Variants in SUSD1 observed in about 807,000 individuals in gnomAD.
The protein encoded by SUSD1 is sushi domain containing 1, also known as sushi domain-containing protein 1.
SUSD1 carries 65 observed loss-of-function variants against 86.9 expected under a neutral mutation model. The observed-to-expected ratio is 0.75, with a 90% CI of 0.61 to 0.92. The LOEUF (loss-of-function observed/expected upper bound fraction) is 0.92. Ranked by LOEUF, SUSD1 falls within the 40% of genes least tolerant of loss-of-function variation. SUSD1 has a pLI of 0.00. For synonymous variants in SUSD1, 346 were observed against 350.0 expected, an observed-to-expected ratio of 0.99 and a Z score of 0.13; for missense variants, 850 against 929.7, an observed-to-expected ratio of 0.91 and a Z score of 1.11.
chr9:112,144,268 T>C (rs1832712105), intron 3 of SUSD1, among the ~76,000 whole-genome samples: 1 of 150,874 alleles, frequency 6.6e-6, no homozygotes, highest in Admixed American at 6.6e-5. Context: ...ATCCAATCAC[T>C]AAAAAATCCA....
chr9:112,087,356 A>G (rs1037862952), intron 10 of SUSD1, among the ~76,000 whole-genome samples: 3 of 152,004 alleles, frequency 2.0e-5, no homozygotes, highest in African/African-American at 7.3e-5. Flanking sequence ...TAATTTTTGT[A>G]TCTTTAGTAG....
rs775294819 is a variant in SUSD1 at position 112,080,105 on chromosome 9, A to G, written c.1535T>C (p.Ile512Thr). 3 of 1,613,520 alleles carry G rather than the reference A, an allele frequency of 1.9e-6. No individual in the cohort carries two copies. The South Asian group carries it at 3.3e-5, about 18-fold the overall frequency. Residue 512 changes from isoleucine (I) to threonine (T), a missense_variant, in exon 11 of 17, where the codon ATC becomes ACC. Coordinates refer to ENST00000374270, the MANE Select transcript of SUSD1 (RefSeq NM_022486.5). ...CATCTCCTCCATATCAGCTGTCTTG[A>G]TGCTTCTCCATCTCAAGCAGGTTTC... ...FNETCLRWRS[I>T]KTADMEEMYL...
At chr9:112,138,675 C>T (rs1235307125) in intron 5 of SUSD1, among the ~76,000 whole-genome samples, 1 of 152,126 alleles carries the variant, frequency 6.6e-6, no homozygotes, top group Non-Finnish European at 1.5e-5. Context: ...GTCTCGAACT[C>T]CTGACCTCGT....
At chr9:112,062,377 G>A (rs1380513475) in intron 13 of SUSD1, among the ~76,000 whole-genome samples, 1 of 152,192 alleles carries the variant, frequency 6.6e-6, no homozygotes, top group Admixed American at 6.5e-5. Context: ...CTGCCCAAAT[G>A]CTTGTATATA....
At chr9:112,137,246 G>T (rs2131732083) in intron 5 of SUSD1, among the ~76,000 whole-genome samples, 1 of 152,266 alleles carries the variant, frequency 6.6e-6, no homozygotes, top group South Asian at 2.1e-4. Flanking sequence ...AGAAACCGAG[G>T]CCATGTAGTG....
At chr9:112,133,312 A>G (rs1008432262) in intron 5 of SUSD1, among the ~76,000 whole-genome samples, 8 of 152,192 alleles carry the variant, frequency 5.3e-5, no homozygotes, top group African/African-American at 1.9e-4. Flanking sequence ...CCAGACTTCA[A>G]ACTATACTAC....
chr9:112,071,401 A>T (rs1829263223), intron 12 of SUSD1, among the ~76,000 whole-genome samples: 1 of 152,128 alleles, frequency 6.6e-6, no homozygotes, highest in Admixed American at 6.5e-5. Context: ...TTGAGGCTGC[A>T]GTAAGCTATG....
intron 1 of SUSD1, among the ~76,000 whole-genome samples, chr9:112,169,623 C>T (rs917651245): frequency 1.3e-5 from 2 of 151,688 alleles, no homozygotes; most frequent in Non-Finnish European, 2.9e-5. Flanking sequence ...TAACCCCTAC[C>T]GGTTCTTTTC....
In SUSD1 at chr9:112,140,318, C is replaced by T. The variant is rs1361945017; in HGVS notation, c.706+2002G>A. Among the ~76,000 whole-genome samples the T allele has an allele frequency of 2.5e-5, 2 of 80,786 alleles. 1 individual carries two copies. Among genetic ancestry groups the T allele is most frequent in the East Asian group, 4.2e-4 (2 of 4,740 alleles). 53.0% of individuals were successfully genotyped at this position (80,786 alleles called of 152,430 possible). On this transcript the variant is annotated intron_variant, in intron 5 of 16. Transcript: ENST00000374270. ...CGGAGCTTGCCGTGAGCCGAGATTG[C>T]GCCACTGCAGTCCGCAGTCCGGCCT...
chr9:112,104,649 A>G (rs1419305619), intron 8 of SUSD1: 3 of 152,248 alleles, frequency 2.0e-5, no homozygotes, highest in Admixed American at 6.5e-5. Context: ...GGGCTTTCTC[A>G]CAGCTGCTGC....
chr9:112,097,978 T>C (rs573594053), intron 10 of SUSD1, among the ~76,000 whole-genome samples: 2 of 152,320 alleles, frequency 1.3e-5, no homozygotes, highest in African/African-American at 4.8e-5. Context: ...CTCAAAAGAC[T>C]GCAAGGGAAG....
In SUSD1 at chr9:112,063,263, A is replaced by G. The variant is rs181954718; in HGVS notation, c.1754-230T>C. Among the ~76,000 whole-genome samples the G allele has an allele frequency of 3.5e-4, 54 of 152,302 alleles. No homozygotes were observed. In the East Asian group the frequency reaches 9.8e-3, roughly 28 times the overall value. On this transcript the variant is annotated intron_variant, in intron 12 of 16. Transcript: ENST00000374270. Reference sequence around the variant, plus strand: ...TGAAAAATCTAACATAGGCAAATTCATAGAGACAGAAGAAGTTGCTGGGGG... The same window carrying G: ...TGAAAAATCTAACATAGGCAAATTCGTAGAGACAGAAGAAGTTGCTGGGGG...
intron 9 of SUSD1, 98 bp downstream of exon 9, chr9:112,102,078 G>A: frequency 1.6e-6 from 1 of 607,414 alleles, no homozygotes. Context: ...CTGTCTAGAA[G>A]TTCATTCATT....
At chr9:112,140,829 G>C (rs1350996326) in intron 5 of SUSD1, among the ~76,000 whole-genome samples, 1 of 152,166 alleles carries the variant, frequency 6.6e-6, no homozygotes, top group Non-Finnish European at 1.5e-5. Context: ...CTAGATAGTA[G>C]AGCCTGCTAC....
intron 5 of SUSD1, among the ~76,000 whole-genome samples, chr9:112,141,785 T>C (rs953928132): frequency 1.4e-5 from 2 of 146,658 alleles, no homozygotes; most frequent in African/African-American, 5.0e-5. Flanking sequence ...ATGTAATATA[T>C]TACATATATT....
intron 5 of SUSD1, among the ~76,000 whole-genome samples, chr9:112,139,488 C>T (rs1237843429): frequency 6.6e-6 from 1 of 151,974 alleles, no homozygotes; most frequent in Non-Finnish European, 1.5e-5. Context: ...CTCTGTCACC[C>T]AGGCTGGAGG....
chr9:112,057,447 C>G (rs577715788), intron 14 of SUSD1, among the ~76,000 whole-genome samples: 15 of 152,266 alleles, frequency 9.9e-5, no homozygotes, highest in Admixed American at 9.2e-4. Flanking sequence ...GTCAGAAACC[C>G]CAAGTAATTT....
At chr9:112,115,028 T>C (rs545498763) in intron 6 of SUSD1, among the ~76,000 whole-genome samples, 5 of 152,144 alleles carry the variant, frequency 3.3e-5, no homozygotes, top group Non-Finnish European at 7.4e-5. Context: ...ATAATAAATA[T>C]AAACCCAGTG....
intron 2 of SUSD1, among the ~76,000 whole-genome samples, chr9:112,149,920 G>T (rs980316658): frequency 1.3e-5 from 2 of 152,188 alleles, no homozygotes; most frequent in Non-Finnish European, 2.9e-5. Context: ...TCATGCTAAT[G>T]GTCAATGACC....
Sources: gnomAD v4.1 joint callset for allele counts (sites outside exome capture counted in the v4.1 genomes callset) on GRCh38, gnomAD v4.1.1 for gene constraint, MANE v1.5 for transcripts, NCBI Gene and HGNC (gene_info 2026-07-23, HGNC 2026-07-21) for gene names.